TNR: variants seen among roughly 807,000 people sequenced by gnomAD.
The protein encoded by TNR is tenascin-R.
TNR carries 45 observed loss-of-function variants against 150.4 expected under a neutral mutation model. That is an observed-to-expected ratio of 0.30 (90% CI 0.24 to 0.38). The LOEUF (loss-of-function observed/expected upper bound fraction) is 0.38, where lower values mean the gene tolerates loss of function less well. TNR is among the 10% of genes least tolerant of loss of function. TNR has a pLI of 1.00. For missense variants in TNR, 1,544 were observed against 1,759.1 expected (o/e 0.88, Z 2.19); for synonymous variants, 687 against 678.4 (o/e 1.01, Z -0.20).
intron 18 of TNR, among the ~76,000 whole-genome samples, chr1:175,345,386 A>G (rs11800933): frequency 0.12 from 17,530 of 152,222 alleles, 1,254 homozygotes; most frequent in Non-Finnish European, 0.15. Flanking sequence ...TGAAAGAAAG[A>G]CCACAACCAT....
At chr1:175,435,200 A>G (rs1379839171) in intron 2 of TNR, among the ~76,000 whole-genome samples, 1 of 152,178 alleles carries the variant, frequency 6.6e-6, no homozygotes, top group Non-Finnish European at 1.5e-5. Context: ...TAGAAATACC[A>G]GTTAGGACGG....
At chr1:175,511,107 T>C (rs1185976601) in intron 2 of TNR, among the ~76,000 whole-genome samples, 1 of 152,208 alleles carries the variant, frequency 6.6e-6, no homozygotes, top group African/African-American at 2.4e-5. Flanking sequence ...AGTGTGGGCC[T>C]GTGGGACTCT....
chr1:175,566,232 TC>T (rs1452187345), intron 1 of TNR, among the ~76,000 whole-genome samples: 5 of 152,178 alleles, frequency 3.3e-5, no homozygotes, highest in Non-Finnish European at 7.3e-5. Context: ...TTTATTCTTT[TC>T]CCCTGGCTGC....
chr1:175,708,624 G>T (rs1165678453), intron 1 of TNR, among the ~76,000 whole-genome samples: 1 of 152,188 alleles, frequency 6.6e-6, no homozygotes, highest in Non-Finnish European at 1.5e-5. Context: ...GCCTCTGTGC[G>T]TGGAGACAGA....
At chr1:175,590,900 G>A (rs973218522) in intron 1 of TNR, among the ~76,000 whole-genome samples, 5 of 152,218 alleles carry the variant, frequency 3.3e-5, no homozygotes, top group African/African-American at 9.7e-5. Flanking sequence ...CATAATATGA[G>A]CGCTGAGGAT....
At chr1:175,358,553 C>T (rs146457643) in intron 15 of TNR, among the ~76,000 whole-genome samples, 1,980 of 152,316 alleles carry the variant, frequency 0.013, 30 homozygotes, top group Middle Eastern at 0.034. Context: ...CTTTCTCTGT[C>T]ATTTTTGAAA....
intron 1 of TNR, among the ~76,000 whole-genome samples, chr1:175,627,835 T>C (rs1664202306): frequency 6.6e-6 from 1 of 152,216 alleles, no homozygotes; most frequent in Admixed American, 6.5e-5. Context: ...AAGAGAGCTG[T>C]CTTGGAGGAA....
intron 1 of TNR, among the ~76,000 whole-genome samples, chr1:175,638,178 G>A (rs1178715775): frequency 6.6e-6 from 1 of 152,234 alleles, no homozygotes; most frequent in East Asian, 1.9e-4. Context: ...AGAAGGAGTA[G>A]AGATAGCAAG....
intron 1 of TNR, among the ~76,000 whole-genome samples, chr1:175,566,533 G>A (rs1273811652): frequency 2.0e-5 from 3 of 152,274 alleles, no homozygotes; most frequent in Non-Finnish European, 2.9e-5. Flanking sequence ...CAAGCCACAT[G>A]CTGCCTGCTG....
intron 1 of TNR, among the ~76,000 whole-genome samples, chr1:175,647,582 C>T (rs894114896): frequency 6.6e-6 from 1 of 152,034 alleles, no homozygotes; most frequent in Non-Finnish European, 1.5e-5. Context: ...CTACCAAGCA[C>T]GGGAAGGAGA....
chr1:175,700,129 T>C (rs1666644885), intron 1 of TNR, among the ~76,000 whole-genome samples: 1 of 150,828 alleles, frequency 6.6e-6, no homozygotes, highest in African/African-American at 2.4e-5. Flanking sequence ...TAGATTGCCG[T>C]GCAGTCCAAG....
intron 1 of TNR, among the ~76,000 whole-genome samples, chr1:175,561,896 A>C (rs16848616): frequency 6.6e-6 from 1 of 152,080 alleles, no homozygotes; most frequent in African/African-American, 2.4e-5. Context: ...TTCAGTGGCC[A>C]TGATCCATTG....
At chr1:175,532,464 A>G (rs1660109697) in intron 1 of TNR, among the ~76,000 whole-genome samples, 1 of 152,170 alleles carries the variant, frequency 6.6e-6, no homozygotes, top group African/African-American at 2.4e-5. Context: ...CAGGCATACA[A>G]ATGTGAATGT....
At chr1:175,637,661 A>G (rs533061268) in intron 1 of TNR, among the ~76,000 whole-genome samples, 2 of 152,352 alleles carry the variant, frequency 1.3e-5, no homozygotes, top group African/African-American at 4.8e-5. Flanking sequence ...AGGGGCCAAA[A>G]TAATCCAGGT....
intron 2 of TNR, among the ~76,000 whole-genome samples, chr1:175,522,514 C>T (rs1337138452): frequency 6.6e-6 from 1 of 152,126 alleles, no homozygotes; most frequent in East Asian, 1.9e-4. Context: ...AGAACTTACT[C>T]ATGTAACCAA....
At chr1:175,458,970 C>T (rs1017218361) in intron 2 of TNR, among the ~76,000 whole-genome samples, 3 of 151,740 alleles carry the variant, frequency 2.0e-5, no homozygotes, top group Non-Finnish European at 4.4e-5. Flanking sequence ...CCATCACCAC[C>T]ACGTTAACCA....
rs115191704 is a variant in TNR, at chr1:175,409,984, T to C, written c.-63-3207A>G. Among the ~76,000 whole-genome samples the C allele has an allele frequency of 4.3e-3, 661 of 152,302 alleles. 5 individuals are homozygous for C. Among genetic ancestry groups the C allele is most frequent in the African/African-American group, 0.015 (639 of 41,558 alleles). On this transcript the variant is annotated intron_variant, in intron 2 of 22. Coordinates refer to ENST00000367674, the MANE Select transcript of TNR (RefSeq NM_003285.3). Reference sequence around the variant, plus strand: ...TGCAACACACATGAGTTTGTGTTTGTGTCAGGAAGTGGTAACTGCTATGGA... The same window carrying C: ...TGCAACACACATGAGTTTGTGTTTGCGTCAGGAAGTGGTAACTGCTATGGA...
At chr1:175,606,026 C>T (rs78583968) in intron 1 of TNR, among the ~76,000 whole-genome samples, 25 of 151,842 alleles carry the variant, frequency 1.6e-4, no homozygotes, top group Non-Finnish European at 3.1e-4. Context: ...AAGCCATTTG[C>T]GCACTCTTTC....
Position 175,508,208 on chromosome 1 carries a change from A to G in TNR, c.-64+20061T>C, listed in dbSNP as rs906325558. Among the ~76,000 whole-genome samples, 5 of 152,214 alleles carry G rather than the reference A, an allele frequency of 3.3e-5. No homozygotes were observed. In the East Asian group the frequency reaches 9.6e-4, roughly 29 times the overall value. ...GGGTTGATATGTGCAGCAAACCACC[A>G]TGGCACATTCATATCTATGTAACAA... On this transcript the variant is annotated intron_variant, in intron 2 of 22. Coordinates refer to ENST00000367674, the MANE Select transcript of TNR (RefSeq NM_003285.3).
Sources: gnomAD v4.1 joint callset for allele counts (sites outside exome capture counted in the v4.1 genomes callset) on GRCh38, gnomAD v4.1.1 for gene constraint, MANE v1.5 for transcripts, NCBI Gene and HGNC (gene_info 2026-07-23, HGNC 2026-07-21) for gene names.